The following NTRK2 variants were observed in gnomAD, a reference collection of about 807,000 sequenced individuals.
NTRK2 encodes the protein neurotrophic receptor tyrosine kinase 2.
Under a neutral mutation model 94.5 loss-of-function variants are expected in NTRK2, and 13 were observed. The ratio of observed to expected loss-of-function variants is 0.14; its 90% CI spans 0.09 to 0.22. NTRK2 has a LOEUF of 0.22. Ranked by LOEUF, NTRK2 falls within the 10% of genes least tolerant of loss-of-function variation. NTRK2 has a pLI of 1.00. For missense variants in NTRK2, 639 were observed against 1,071.2 expected (o/e 0.60, Z 5.63); for synonymous variants, 372 against 407.4 (o/e 0.91, Z 1.05).
intron 2 of NTRK2, among the ~76,000 whole-genome samples, chr9:84,680,740 AT>A (rs1448515075): frequency 1.3e-5 from 2 of 152,054 alleles, no homozygotes; most frequent in Non-Finnish European, 2.9e-5. Flanking sequence ...ATCTGTATTC[AT>A]TATGTCTATT....
intron 9 of NTRK2, among the ~76,000 whole-genome samples, chr9:84,729,981 G>A (rs548081495): frequency 7.9e-4 from 120 of 152,308 alleles, no homozygotes; most frequent in Non-Finnish European, 1.4e-3. Context: ...TACTTAGCTT[G>A]TGATGGGGAA....
At chr9:84,989,592 C>T (rs1246637405) in intron 17 of NTRK2, among the ~76,000 whole-genome samples, 4 of 152,200 alleles carry the variant, frequency 2.6e-5, no homozygotes, top group Non-Finnish European at 5.9e-5. Flanking sequence ...AACTGCTGAA[C>T]AGCATATATA....
chr9:84,701,090 T>A (rs1486395198), intron 2 of NTRK2, among the ~76,000 whole-genome samples: 1 of 152,194 alleles, frequency 6.6e-6, no homozygotes, highest in Non-Finnish European at 1.5e-5. Flanking sequence ...CAGGGTAGAG[T>A]ATAGGAAATT....
chr9:84,844,584 G>A (rs1214186346), intron 12 of NTRK2, among the ~76,000 whole-genome samples: 1 of 151,268 alleles, frequency 6.6e-6, no homozygotes, highest in Non-Finnish European at 1.5e-5. Flanking sequence ...CACAGTAACT[G>A]TAAGAAGCTA....
chr9:84,911,557 C>T (rs933655171), intron 14 of NTRK2, among the ~76,000 whole-genome samples: 30 of 152,126 alleles, frequency 2.0e-4, no homozygotes, highest in African/African-American at 5.8e-4. Flanking sequence ...TTATGTGTAA[C>T]GTTGTTTGAA....
intron 12 of NTRK2, among the ~76,000 whole-genome samples, chr9:84,855,504 T>C (rs143831510): frequency 6.6e-6 from 1 of 151,992 alleles, no homozygotes; most frequent in African/African-American, 2.4e-5. Flanking sequence ...AAAATGCAAA[T>C]GTGCACCGAC....
At chr9:84,783,341 G>T (rs1249960993) in intron 12 of NTRK2, among the ~76,000 whole-genome samples, 1 of 152,176 alleles carries the variant, frequency 6.6e-6, no homozygotes, top group Non-Finnish European at 1.5e-5. Flanking sequence ...TCTAAACAGG[G>T]TTACCCAGCT....
chr9:84,763,430 A>G (rs1353818544), intron 12 of NTRK2, among the ~76,000 whole-genome samples: 6 of 151,630 alleles, frequency 4.0e-5, no homozygotes, highest in Admixed American at 3.3e-4. Flanking sequence ...CTTCTTCCAC[A>G]TACTTTTCAT....
intron 16 of NTRK2, among the ~76,000 whole-genome samples, chr9:84,953,249 T>A (rs1823697193): frequency 6.6e-6 from 1 of 152,248 alleles, no homozygotes; most frequent in Non-Finnish European, 1.5e-5. Context: ...GCACAGAGGA[T>A]AACTTGTGTT....
chr9:84,810,479 A>T (rs942326395), intron 12 of NTRK2: 14 of 1,413,410 alleles, frequency 9.9e-6, no homozygotes, highest in South Asian at 7.1e-5. Context: ...TTGTACTTGT[A>T]TGTTAATTTT....
intron 9 of NTRK2, among the ~76,000 whole-genome samples, chr9:84,734,358 A>G (rs2063103717): frequency 1.3e-5 from 2 of 152,210 alleles, no homozygotes; most frequent in Admixed American, 6.5e-5. Flanking sequence ...CCCTGTAGCC[A>G]TTAGGGAGCA....
intron 12 of NTRK2, chr9:84,811,094 G>C (rs1039106437): frequency 1.9e-5 from 20 of 1,068,838 alleles, no homozygotes; most frequent in Non-Finnish European, 1.9e-5. Flanking sequence ...TGAATTCAGA[G>C]GGTTTGACTT....
chr9:84,920,577 T>C (rs943653167), intron 14 of NTRK2, among the ~76,000 whole-genome samples: 1 of 152,302 alleles, frequency 6.6e-6, no homozygotes. Context: ...CAGTCCTGCC[T>C]CTACTGCTGA....
chr9:84,689,778 C>T (rs1156683975), intron 2 of NTRK2, among the ~76,000 whole-genome samples: 2 of 152,144 alleles, frequency 1.3e-5, no homozygotes, highest in Non-Finnish European at 2.9e-5. Context: ...CAAACCATGA[C>T]CCCCCATAAC....
intron 17 of NTRK2, among the ~76,000 whole-genome samples, chr9:85,000,559 A>G (rs1830226233): frequency 2.6e-5 from 4 of 152,160 alleles, no homozygotes. Context: ...AATAATAGGC[A>G]TTTAAAGTAC....
At chr9:84,844,531 T>C (rs1243846278) in intron 12 of NTRK2, among the ~76,000 whole-genome samples, 1 of 152,072 alleles carries the variant, frequency 6.6e-6, no homozygotes, top group East Asian at 1.9e-4. Flanking sequence ...TTTCCTGCCC[T>C]TCTGTTATAA....
chr9:84,874,163 T>G, intron 14 of NTRK2: 1 of 1,065,042 alleles, frequency 9.4e-7, no homozygotes, highest in Non-Finnish European at 1.1e-6. Context: ...TTGGCCACTC[T>G]TGCATGTGCT....
intron 9 of NTRK2, among the ~76,000 whole-genome samples, chr9:84,730,761 CTAAAGAAAAATAAACAAATAGCA>C (rs2062808820): frequency 9.4e-5 from 1 of 10,628 alleles, no homozygotes; most frequent in Non-Finnish European, 1.7e-4. Flanking sequence ...AAAAAAAAAA[CTAAAGAAAAATAAACAAATAGCA>C]AAAAAAAAAA....
At chr9:84,750,112 G>A (rs867789147) in intron 11 of NTRK2, among the ~76,000 whole-genome samples, 4 of 152,146 alleles carry the variant, frequency 2.6e-5, no homozygotes, top group Admixed American at 6.5e-5. Flanking sequence ...CACTATTGGC[G>A]TTTGGGGATA....
Sources: allele counts gnomAD v4.1 joint callset (sites outside exome capture counted in the v4.1 genomes callset), GRCh38; gene constraint gnomAD v4.1.1; transcripts MANE v1.5; gene names NCBI Gene and HGNC (gene_info 2026-07-23, HGNC 2026-07-21).